GPHN: variants seen among roughly 807,000 people sequenced by gnomAD.
GPHN encodes gephyrin.
A neutral mutation model predicts 95.5 loss-of-function variants in GPHN; 17 were observed. That is an observed-to-expected ratio of 0.18 (90% CI 0.12 to 0.27). GPHN has a LOEUF of 0.27. Ranked by LOEUF, GPHN falls within the 10% of genes least tolerant of loss-of-function variation. The pLI is 1.00. For missense variants in GPHN, 660 were observed against 978.1 expected (o/e 0.67, Z 4.34); for synonymous variants, 320 against 322.5 (o/e 0.99, Z 0.08).
At chr14:67,667,561 T>C in the GPHN span, among the ~76,000 whole-genome samples, 1 of 152,142 alleles carries the variant, frequency 6.6e-6, no homozygotes, top group Non-Finnish European at 1.5e-5. Context: ...CCAAATATAA[T>C]AAGGGCTCAA....
chr14:66,950,312 A>T lies in GPHN; in HGVS notation c.829-14879A>T, dbSNP rs144934049. On this transcript the variant is annotated intron_variant, in intron 8 of 22. Transcript: ENST00000478722. Reference sequence around the variant, plus strand: ...TACAAATTCTACTTGCTCAAGGTAGATCCTCACTACTCCATGGCAAGCCTT... The same window carrying T: ...TACAAATTCTACTTGCTCAAGGTAGTTCCTCACTACTCCATGGCAAGCCTT... Among the ~76,000 whole-genome samples, 584 of 152,232 alleles carry T rather than the reference A, an allele frequency of 3.8e-3. 5 individuals carry two copies. The highest frequency in any genetic ancestry group is 0.014 in the African/African-American group (562 of 41,544).
chr14:67,623,477 G>A, the GPHN span, among the ~76,000 whole-genome samples: 1 of 151,142 alleles, frequency 6.6e-6, no homozygotes, highest in East Asian at 1.9e-4. Flanking sequence ...CTTAGTGTCT[G>A]GGCTTGTTTT....
intron 4 of GPHN, among the ~76,000 whole-genome samples, chr14:66,833,882 T>C (rs886335296): frequency 3.9e-5 from 6 of 152,160 alleles, no homozygotes; most frequent in Non-Finnish European, 7.3e-5. Context: ...AGCTTAGCAT[T>C]TGTATAAAAT....
At chr14:67,716,643 G>T in the GPHN span, among the ~76,000 whole-genome samples, 1 of 152,092 alleles carries the variant, frequency 6.6e-6, no homozygotes, top group Admixed American at 6.5e-5. Flanking sequence ...CAGCACTTTG[G>T]GAGGCCAAGG....
At chr14:67,399,792 A>G in the GPHN span, among the ~76,000 whole-genome samples, 2 of 152,220 alleles carry the variant, frequency 1.3e-5, no homozygotes, top group African/African-American at 4.8e-5. Flanking sequence ...GGTAGAGCCA[A>G]TGGGCAGAAT....
the GPHN span, among the ~76,000 whole-genome samples, chr14:67,468,221 G>A: frequency 1.3e-5 from 2 of 152,092 alleles, no homozygotes; most frequent in African/African-American, 4.8e-5. Context: ...TGATCCACCC[G>A]CCTCGGGCTC....
intron 1 of GPHN, among the ~76,000 whole-genome samples, chr14:66,547,617 A>G (rs1179928942): frequency 1.3e-5 from 2 of 152,224 alleles, no homozygotes; most frequent in Admixed American, 6.5e-5. Flanking sequence ...TGCCAGTATT[A>G]TAATGGGAAG....
the GPHN span, chr14:67,555,983 A>C: frequency 3.4e-6 from 5 of 1,471,970 alleles, no homozygotes; most frequent in Non-Finnish European, 4.6e-6. Context: ...ATACATCACC[A>C]GCAGTACTGT....
intron 2 of GPHN, among the ~76,000 whole-genome samples, chr14:66,692,862 A>T (rs2067867792): frequency 6.6e-6 from 1 of 152,132 alleles, no homozygotes; most frequent in Non-Finnish European, 1.5e-5. Flanking sequence ...TGTTTGAATT[A>T]TAGTGTTATA....
intron 10 of GPHN, among the ~76,000 whole-genome samples, chr14:67,057,417 G>GGT (rs1555477510): frequency 6.6e-6 from 1 of 150,544 alleles, no homozygotes; most frequent in South Asian, 2.1e-4. Flanking sequence ...TGGGTGGGGG[G>GGT]GGCAACAGCA....
chr14:67,284,177 A>G, the GPHN span, among the ~76,000 whole-genome samples: 1 of 152,170 alleles, frequency 6.6e-6, no homozygotes, highest in Non-Finnish European at 1.5e-5. Flanking sequence ...TCTGTAGTCC[A>G]TAAAATTTGT....
chr14:66,610,342 T>C (rs1282145778), intron 1 of GPHN, among the ~76,000 whole-genome samples: 2 of 152,128 alleles, frequency 1.3e-5, no homozygotes, highest in Non-Finnish European at 2.9e-5. Flanking sequence ...TAGGAGCCAT[T>C]CAGTGGCAGG....
chr14:67,303,157 A>AT, the GPHN span, among the ~76,000 whole-genome samples: 2 of 152,238 alleles, frequency 1.3e-5, no homozygotes, highest in African/African-American at 4.8e-5. Context: ...CATTTCCATC[A>AT]TTGGAGAAAG....
At chr14:67,047,362 G>GTGT (rs1402859810) in intron 10 of GPHN, among the ~76,000 whole-genome samples, 33 of 130,752 alleles carry the variant, frequency 2.5e-4, no homozygotes, top group African/African-American at 9.3e-4. Context: ...GTGTGTGTGT[G>GTGT]TTTGTTTTTT....
chr14:66,798,126 G>T (rs1566956116), intron 3 of GPHN, among the ~76,000 whole-genome samples: 1 of 151,788 alleles, frequency 6.6e-6, no homozygotes, highest in Non-Finnish European at 1.5e-5. Flanking sequence ...GTATTACATT[G>T]ACTGATTTGC....
the GPHN span, among the ~76,000 whole-genome samples, chr14:67,262,639 AT>A: frequency 2.2e-3 from 332 of 152,268 alleles, 9 homozygotes; most frequent in East Asian, 0.06. Context: ...TGGTTACAGT[AT>A]AGAGTAGATT....
chr14:66,550,636 C>G (rs1301941386), intron 1 of GPHN, among the ~76,000 whole-genome samples: 1 of 152,322 alleles, frequency 6.6e-6, no homozygotes, highest in Middle Eastern at 3.4e-3. Context: ...TTGCCTGCTA[C>G]AGATAAATAT....
At chr14:67,302,462 A>G in the GPHN span, 1 of 1,599,666 alleles carries the variant, frequency 6.3e-7, no homozygotes, top group Admixed American at 1.7e-5. Flanking sequence ...CGGATAGTAA[A>G]AGGGGGTGCT....
chr14:66,508,677 G>C, intron 1 of GPHN, 86 bp downstream of exon 1: 1 of 1,179,522 alleles, frequency 8.5e-7, no homozygotes, highest in East Asian at 2.3e-5. Context: ...CCTTCTCTGC[G>C]GCCTCGGGAG....
Sources: allele counts gnomAD v4.1 joint callset (sites outside exome capture counted in the v4.1 genomes callset), GRCh38; gene constraint gnomAD v4.1.1; transcripts MANE v1.5; gene names NCBI Gene and HGNC (gene_info 2026-07-23, HGNC 2026-07-21).